SLC18A2: variants seen among roughly 807,000 people sequenced by gnomAD.
The protein encoded by SLC18A2 is synaptic vesicular amine transporter.
In SLC18A2, 33 loss-of-function variants were observed where a neutral mutation model predicts 59.2. That is an observed-to-expected ratio of 0.56 (90% CI 0.42 to 0.75). SLC18A2 has a LOEUF of 0.75. Among genes scored for constraint, SLC18A2 ranks in the 30% least tolerant of loss-of-function variants. The pLI, the probability that SLC18A2 is intolerant of heterozygous loss-of-function variation, is 0.00. For synonymous variants in SLC18A2, 228 were observed against 253.5 expected (o/e 0.90, Z 0.95); for missense variants, 569 against 668.6 (o/e 0.85, Z 1.64).
At chr10:117,253,675 G>A (rs2532807) in intron 4 of SLC18A2, among the ~76,000 whole-genome samples, 87,012 of 151,904 alleles carry the variant, frequency 0.57, 28,012 homozygotes, top group Non-Finnish European at 0.73. Context: ...GCAAAACCCC[G>A]TCTCTACTAA....
At chr10:117,257,962 T>A in intron 10 of SLC18A2, 70 bp downstream of exon 10, 2 of 1,094,766 alleles carry the variant, frequency 1.8e-6, no homozygotes, top group Non-Finnish European at 2.7e-6. Context: ...CCCCAGGGCA[T>A]CCCTGCTGAG....
At position 117,277,412 on chromosome 10, in the gene SLC18A2, T is replaced by G. The variant is rs545086132; in HGVS notation, c.*146T>G. On this transcript the variant is annotated 3_prime_UTR_variant, in exon 16 of 16. Coordinates refer to ENST00000644641, the MANE Select transcript of SLC18A2 (RefSeq NM_003054.6). ...GGTTATTATTTCCTTTCCATGGTTATGGTCGATTGCCAACAGCCTTATAAA... is the reference window on the plus strand; with the variant it reads ...GGTTATTATTTCCTTTCCATGGTTAGGGTCGATTGCCAACAGCCTTATAAA... The G allele has an allele frequency of 2.0e-6, 1 of 493,190 alleles. No homozygotes were observed. Among genetic ancestry groups the G allele is most frequent in the South Asian group, 3.6e-5 (1 of 27,532 alleles). The allele number at this position is 493,190 out of a possible 1,614,324, so 30.6% of individuals were successfully genotyped here.
At chr10:117,266,683 C>G in intron 10 of SLC18A2, 50 bp from the exon 11 acceptor site, 1 of 1,378,854 alleles carries the variant, frequency 7.3e-7, no homozygotes, top group African/African-American at 1.4e-5. Context: ...CTTTTTCTAA[C>G]ATATGACTGA....
intron 4 of SLC18A2, among the ~76,000 whole-genome samples, chr10:117,253,847 A>G (rs1844193414): frequency 6.6e-6 from 1 of 152,186 alleles, no homozygotes; most frequent in East Asian, 1.9e-4. Flanking sequence ...CTCCATCTCA[A>G]AAAAAAGTAT....
chr10:117,262,136 A>G (rs1319069842), intron 10 of SLC18A2, among the ~76,000 whole-genome samples: 1 of 152,104 alleles, frequency 6.6e-6, no homozygotes, highest in Non-Finnish European at 1.5e-5. Flanking sequence ...TGAACTCCTG[A>G]CTTCGTGATC....
At chr10:117,265,808 G>A (rs1002140447) in intron 10 of SLC18A2, among the ~76,000 whole-genome samples, 3 of 152,178 alleles carry the variant, frequency 2.0e-5, no homozygotes, top group Non-Finnish European at 2.9e-5. Flanking sequence ...TTGGATAGGA[G>A]GCCGGACGTG....
At chr10:117,246,032 G>C (rs1182636916) in intron 3 of SLC18A2, among the ~76,000 whole-genome samples, 1 of 152,248 alleles carries the variant, frequency 6.6e-6, no homozygotes, top group East Asian at 1.9e-4. Context: ...TGACTCCTCT[G>C]TTCTCAGGAG....
At position 117,244,038 on chromosome 10, in the gene SLC18A2, C is replaced by T; in HGVS notation, c.189C>T (p.Ala63=). 6.2e-7 allele frequency: 1 copy of T among 1,614,190 alleles called. No homozygotes were observed. Among genetic ancestry groups the T allele is most frequent in the Non-Finnish European group, 8.5e-7 (1 of 1,180,042 alleles). Residue 63 remains alanine, a synonymous_variant, in exon 3 of 16, where the codon GCC becomes GCT. Transcript: ENST00000644641. ...HEKNATEIQT[A]RPVHTASISD... is the part of the protein sequence containing the mutation. ...AGAATGCTACAGAAATCCAGACGGCCAGGCCAGTGCACACTGCCTCCATCT... is the reference window on the plus strand; with the variant it reads ...AGAATGCTACAGAAATCCAGACGGCTAGGCCAGTGCACACTGCCTCCATCT...
intron 10 of SLC18A2, among the ~76,000 whole-genome samples, chr10:117,264,567 C>T (rs542492563): frequency 2.0e-5 from 3 of 152,330 alleles, no homozygotes; most frequent in East Asian, 1.9e-4. Context: ...CAGAGAGTGG[C>T]GTCTGCCTTC....
At chr10:117,254,334 AAGGCGAGTC>A in intron 5 of SLC18A2, 62 bp from the exon 6 acceptor site, 1 of 1,352,738 alleles carries the variant, frequency 7.4e-7, no homozygotes, top group East Asian at 2.3e-5. Flanking sequence ...CTGGAGAGGG[AAGGCGAGTC>A]ACGCATTATT....
intron 10 of SLC18A2, among the ~76,000 whole-genome samples, chr10:117,259,954 A>G (rs969737971): frequency 1.3e-5 from 2 of 152,140 alleles, no homozygotes; most frequent in African/African-American, 4.8e-5. Flanking sequence ...GCTGAGCGTT[A>G]GGCTCCCTAC....
intron 10 of SLC18A2, among the ~76,000 whole-genome samples, chr10:117,261,175 C>G (rs2098045301): frequency 6.8e-6 from 1 of 147,702 alleles, no homozygotes; most frequent in South Asian, 2.1e-4. Flanking sequence ...AGTTCAAGAC[C>G]AGCGAGATCC....
At chr10:117,245,815 CT>C (rs1669158895) in intron 3 of SLC18A2, among the ~76,000 whole-genome samples, 1 of 152,038 alleles carries the variant, frequency 6.6e-6, no homozygotes, top group Non-Finnish European at 1.5e-5. Flanking sequence ...ACACATGGAG[CT>C]TGAGTCGGAC....
Position 117,277,456 on chromosome 10 carries a change from G to T in SLC18A2, c.*190G>T, listed in dbSNP as rs1198920008. ...TTATAAAGAAAAAGAAGCTTTTCTA[G>T]GGGTTTGTATAAATAGTGTTGAAAC... On this transcript the variant is annotated 3_prime_UTR_variant, in exon 16 of 16. Transcript: ENST00000644641. 5 of 393,170 alleles carry T rather than the reference G, an allele frequency of 1.3e-5. No homozygotes were observed. The highest frequency in any genetic ancestry group is 2.3e-5 in the Non-Finnish European group (5 of 221,104). 24.4% of individuals were successfully genotyped at this position (393,170 alleles called of 1,614,324 possible).
At position 117,270,339 on chromosome 10, in the gene SLC18A2, C is replaced by T. The variant is rs1844411023; in HGVS notation, c.1316C>T (p.Ala439Val). The change falls in exon 15 of 16, where the codon GCT becomes GTT. Residue 439 changes from alanine (A) to valine (V), a missense_variant. Ala to Val is a moderately conservative substitution (Grantham distance 64, BLOSUM62 0). Transcript: ENST00000644641. ...CTCTGTTTCCTGAAAGGTCCTTCTG[C>T]TGGTGGTGCTATTGCAAAGGCAATT... ...FCMGYAIGPS[A>V]GGAIAKAIGF... is the part of the protein sequence containing the mutation. The T allele has an allele frequency of 6.2e-7, 1 of 1,614,054 alleles. No homozygotes were observed. The highest frequency in any genetic ancestry group is 8.5e-7 in the Non-Finnish European group (1 of 1,180,040).
intron 15 of SLC18A2, 63 bp from the exon 16 acceptor site, chr10:117,277,099 G>T: frequency 2.1e-6 from 2 of 965,440 alleles, no homozygotes; most frequent in Non-Finnish European, 3.2e-6. Context: ...AAAACAGTAG[G>T]TTAAAACCAT....
chr10:117,253,516 C>A, intron 4 of SLC18A2, 59 bp downstream of exon 4: 1 of 1,046,220 alleles, frequency 9.6e-7, no homozygotes, highest in Non-Finnish European at 1.4e-6. Flanking sequence ...CATTGATGCC[C>A]ATGAGCCGGG....
At chr10:117,273,379 T>A (rs1235007670) in intron 15 of SLC18A2, among the ~76,000 whole-genome samples, 1 of 152,166 alleles carries the variant, frequency 6.6e-6, no homozygotes, top group Non-Finnish European at 1.5e-5. Context: ...TTGCGGATTT[T>A]TTTTTCCAGG....
chr10:117,276,300 G>T (rs1054015080), intron 15 of SLC18A2, among the ~76,000 whole-genome samples: 1 of 151,862 alleles, frequency 6.6e-6, no homozygotes, highest in East Asian at 1.9e-4. Context: ...ACAAAAGATT[G>T]TAAGGGCAGC....
Sources: gnomAD v4.1 joint callset for allele counts (sites outside exome capture counted in the v4.1 genomes callset) on GRCh38, gnomAD v4.1.1 for gene constraint, MANE v1.5 for transcripts, NCBI Gene and HGNC (gene_info 2026-07-23, HGNC 2026-07-21) for gene names.